KIFC3: variants seen among roughly 807,000 people sequenced by gnomAD.
KIFC3 encodes the protein kinesin family member C3, also known as kinesin-like protein KIFC3.
In KIFC3, 60 loss-of-function variants were observed where a neutral mutation model predicts 101.8. The ratio of observed to expected loss-of-function variants is 0.59; its 90% CI spans 0.48 to 0.73. The LOEUF (loss-of-function observed/expected upper bound fraction) is 0.73. Among genes scored for constraint, KIFC3 ranks in the 30% least tolerant of loss-of-function variants. KIFC3 has a pLI of 0.00. For missense variants in KIFC3, 966 were observed against 1,137.1 expected (o/e 0.85, Z 2.16); for synonymous variants, 476 against 482.7 (o/e 0.99, Z 0.18).
intron 1 of KIFC3, 90 bp from the exon 2 acceptor site, chr16:57,798,372 G>GC (rs2054510384): frequency 2.5e-6 from 3 of 1,182,008 alleles, no homozygotes. Flanking sequence ...AAGGGTCTAC[G>GC]CCCCACCGGT....
At chr16:57,833,480 G>A (rs1167992438) in intron 1 of KIFC3, among the ~76,000 whole-genome samples, 2 of 152,182 alleles carry the variant, frequency 1.3e-5, no homozygotes, top group East Asian at 3.9e-4. Context: ...GGGGAGCAGA[G>A]GTGTGCTCTC....
exon 1 of KIFC3, chr16:57,862,783 C>T: frequency 1.6e-6 from 2 of 1,289,704 alleles, no homozygotes; most frequent in South Asian, 1.2e-5. Flanking sequence ...GGTGTCTGGG[C>T]TTCCATGCAG....
chr16:57,817,864 G>A (rs2055264898), intron 1 of KIFC3, among the ~76,000 whole-genome samples: 1 of 152,106 alleles, frequency 6.6e-6, no homozygotes, highest in Admixed American at 6.6e-5. Flanking sequence ...GAGAGGTTAA[G>A]CAACTTGCCA....
intron 1 of KIFC3, among the ~76,000 whole-genome samples, chr16:57,825,863 G>T (rs1158598848): frequency 2.0e-5 from 3 of 151,948 alleles, no homozygotes; most frequent in Non-Finnish European, 2.9e-5. Flanking sequence ...TTCCATTTTT[G>T]TAGAGAAAAG....
intron 1 of KIFC3, among the ~76,000 whole-genome samples, chr16:57,822,093 A>T (rs79167511): frequency 0.01 from 1,538 of 152,274 alleles, 38 homozygotes; most frequent in African/African-American, 0.035. Context: ...AAACAAAAAC[A>T]AAAACTAAAA....
At chr16:57,784,554 T>C (rs1458126279) in intron 3 of KIFC3, among the ~76,000 whole-genome samples, 1 of 152,154 alleles carries the variant, frequency 6.6e-6, no homozygotes, top group Admixed American at 6.5e-5. Flanking sequence ...AGGCCATCTC[T>C]TTGCTGGCTC....
intron 7 of KIFC3, 123 bp from the exon 8 acceptor site, chr16:57,770,078 A>G (rs1281354988): frequency 8.9e-6 from 11 of 1,233,062 alleles, no homozygotes; most frequent in Non-Finnish European, 1.1e-5. Flanking sequence ...ACACATGTGC[A>G]CACCCAGAGG....
Position 57,788,476 on chromosome 16 carries a change from G to C in KIFC3, c.315+6523C>G, listed in dbSNP as rs1017541008. ...AGTCTGTCTAGGCCACCTCCAGCCGGGGAGGACAGGGCATGGGGATATCAC... is the reference window on the plus strand; with the variant it reads ...AGTCTGTCTAGGCCACCTCCAGCCGCGGAGGACAGGGCATGGGGATATCAC... On this transcript the variant is annotated intron_variant, in intron 3 of 19. Transcript: ENST00000445690. The C allele has an allele frequency of 3.6e-6, 4 of 1,103,010 alleles. No individual in the cohort carries two copies. The African/African-American group carries it at 6.6e-5, about 18-fold the overall frequency. The allele number at this position is 1,103,010 out of a possible 1,614,324, so 68.3% of individuals were successfully genotyped here. A position where few individuals can be genotyped will look rare whatever the true frequency, so the allele number is the denominator to read the frequency against.
chr16:57,768,925 G>A (rs528828610), intron 9 of KIFC3, among the ~76,000 whole-genome samples: 3 of 152,258 alleles, frequency 2.0e-5, no homozygotes, highest in East Asian at 1.9e-4. Flanking sequence ...TCAGCACTGC[G>A]GGAGGCCAAG....
intron 1 of KIFC3, among the ~76,000 whole-genome samples, chr16:57,809,024 G>A (rs1261665186): frequency 6.6e-6 from 1 of 152,196 alleles, no homozygotes; most frequent in Admixed American, 6.5e-5. Context: ...GGGTGTGGTG[G>A]CTCATGCCTG....
rs373654614 is a variant in KIFC3 at position 57,760,271 on chromosome 16, A to G, written c.2367+11T>C. On this transcript the variant is annotated intron_variant, in intron 17 of 19. Transcript: ENST00000445690. ...GGGCCACCTGAGCCAGGCCTGTGAC[A>G]GTCCCCGTACCTCTAGATGCTCCTG... 6.2e-7 allele frequency: 1 copy of G among 1,605,784 alleles called. No homozygotes were observed. The highest frequency in any genetic ancestry group is 8.5e-7 in the Non-Finnish European group (1 of 1,174,190).
chr16:57,844,512 T>G (rs2149317595), intron 1 of KIFC3, among the ~76,000 whole-genome samples: 1 of 150,240 alleles, frequency 6.7e-6, no homozygotes, highest in East Asian at 2.0e-4. Context: ...AGCCATAGCC[T>G]CGTGTCTCTG....
chr16:57,850,133 C>T (rs2056018252), intron 1 of KIFC3, among the ~76,000 whole-genome samples: 1 of 151,972 alleles, frequency 6.6e-6, no homozygotes, highest in Non-Finnish European at 1.5e-5. Flanking sequence ...GGTGTGGTGG[C>T]TCATGCCTAT....
chr16:57,858,458 A>G (rs1328587336), intron 1 of KIFC3, among the ~76,000 whole-genome samples: 4 of 152,182 alleles, frequency 2.6e-5, no homozygotes, highest in Admixed American at 2.0e-4. Context: ...AAGATATCCA[A>G]TATAAGGTCC....
At chr16:57,788,735 C>A in intron 3 of KIFC3, 1 of 1,289,152 alleles carries the variant, frequency 7.8e-7, no homozygotes, top group Non-Finnish European at 1.0e-6. Flanking sequence ...CAACCAGAAT[C>A]CTCACGTGAA....
intron 1 of KIFC3, among the ~76,000 whole-genome samples, chr16:57,830,951 T>C (rs1455152072): frequency 1.3e-5 from 2 of 152,120 alleles, no homozygotes; most frequent in African/African-American, 4.8e-5. Context: ...GGTGACAGTT[T>C]AGACAGGAGG....
chr16:57,835,096 G>GGAGGC (rs2055659582), intron 1 of KIFC3, among the ~76,000 whole-genome samples: 1 of 152,188 alleles, frequency 6.6e-6, no homozygotes, highest in Non-Finnish European at 1.5e-5. Flanking sequence ...GAGTAAGAAC[G>GGAGGC]GAGGCGGGTT....
At chr16:57,793,753 C>T (rs898105229) in intron 3 of KIFC3, among the ~76,000 whole-genome samples, 5 of 147,912 alleles carry the variant, frequency 3.4e-5, no homozygotes, top group African/African-American at 1.0e-4. Context: ...CACTTGAACC[C>T]GGGAGGCGGA....
intron 4 of KIFC3, among the ~76,000 whole-genome samples, chr16:57,772,005 G>A (rs554296167): frequency 1.3e-5 from 2 of 152,226 alleles, no homozygotes; most frequent in Admixed American, 6.5e-5. Context: ...TCACACTCCC[G>A]TTTAATGTCA....
Sources: gnomAD v4.1 joint callset for allele counts (sites outside exome capture counted in the v4.1 genomes callset) on GRCh38, gnomAD v4.1.1 for gene constraint, MANE v1.5 for transcripts, NCBI Gene and HGNC (gene_info 2026-07-23, HGNC 2026-07-21) for gene names.